CAP1: variants seen among roughly 807,000 people sequenced by gnomAD.
The protein encoded by CAP1 is cyclase associated actin cytoskeleton regulatory protein 1, also known as adenylyl cyclase-associated protein 1.
In CAP1, 11 loss-of-function variants were observed where a neutral mutation model predicts 58.2. The ratio of observed to expected loss-of-function variants is 0.19; its 90% CI spans 0.12 to 0.31. CAP1 has a LOEUF of 0.31. CAP1 is among the 10% of genes least tolerant of loss of function. The probability of loss-of-function intolerance (pLI) is 1.00; values close to 1 mark genes in which losing one functional copy is unlikely to be tolerated. For missense variants in CAP1, 423 were observed against 587.5 expected, an observed-to-expected ratio of 0.72 and a Z score of 2.89; for synonymous variants, 183 against 213.8, an observed-to-expected ratio of 0.86 and a Z score of 1.26.
At chr1:40,066,141 G>C (rs1246958056) in intron 6 of CAP1, 74 bp from the exon 7 acceptor site, 1 of 826,584 alleles carries the variant, frequency 1.2e-6, no homozygotes, top group Non-Finnish European at 2.1e-6. Context: ...GAGCCCATAG[G>C]AAAGAAGGGT....
intron 1 of CAP1, among the ~76,000 whole-genome samples, chr1:40,042,897 G>A (rs992383603): frequency 1.3e-5 from 2 of 152,122 alleles, no homozygotes; most frequent in African/African-American, 2.4e-5. Flanking sequence ...AGAATAGCGC[G>A]ATTGCCTGGC....
At chr1:40,044,904 C>T (rs1646016472) in intron 1 of CAP1, among the ~76,000 whole-genome samples, 1 of 148,292 alleles carries the variant, frequency 6.7e-6, no homozygotes, top group Non-Finnish European at 1.5e-5. Flanking sequence ...TCACGCCATT[C>T]ACCTGCTTCA....
At chr1:40,051,032 T>C (rs1277716238) in intron 1 of CAP1, among the ~76,000 whole-genome samples, 1 of 152,176 alleles carries the variant, frequency 6.6e-6, no homozygotes, top group Non-Finnish European at 1.5e-5. Flanking sequence ...TTTGACTTGC[T>C]CTGGAATGGC....
chr1:40,057,802 T>C (rs964061559), intron 1 of CAP1, among the ~76,000 whole-genome samples: 4 of 152,260 alleles, frequency 2.6e-5, no homozygotes, highest in African/African-American at 9.6e-5. Flanking sequence ...GTTGCCTGAA[T>C]TGACGCTTTT....
At chr1:40,063,016 G>T (rs3131669) in intron 4 of CAP1, among the ~76,000 whole-genome samples, 104,871 of 150,918 alleles carry the variant, frequency 0.69, 36,635 homozygotes, top group Non-Finnish European at 0.74. Flanking sequence ...TTTTTTTTTT[G>T]AGACAGGGTG....
chr1:40,042,096 C>T (rs759030406), intron 1 of CAP1, among the ~76,000 whole-genome samples: 3 of 152,142 alleles, frequency 2.0e-5, no homozygotes, highest in Non-Finnish European at 4.4e-5. Context: ...AGGCTGCTCT[C>T]GAACTCCTAA....
At chr1:40,047,723 C>T (rs1327187193) in intron 1 of CAP1, among the ~76,000 whole-genome samples, 2 of 152,172 alleles carry the variant, frequency 1.3e-5, no homozygotes, top group East Asian at 1.9e-4. Context: ...ATTCTTTGAA[C>T]GTAGGAGAGA....
chr1:40,056,776 A>G (rs3131674), intron 1 of CAP1, among the ~76,000 whole-genome samples: 105,546 of 151,944 alleles, frequency 0.69, 36,929 homozygotes, highest in Non-Finnish European at 0.74. Context: ...GTACGTGTGT[A>G]TAGAGAATAA....
intron 6 of CAP1, 84 bp downstream of exon 6, chr1:40,064,643 C>A: frequency 9.8e-7 from 1 of 1,022,928 alleles, no homozygotes. Context: ...GTGGCACAAT[C>A]ACAGCTCATT....
intron 8 of CAP1, 22 bp from the exon 9 acceptor site, chr1:40,069,668 A>C: frequency 6.2e-7 from 1 of 1,605,140 alleles, no homozygotes; most frequent in South Asian, 1.1e-5. Context: ...GGACAGGAAC[A>C]AGGTAGCTGT....
At position 40,061,825 on chromosome 1, in the gene CAP1, C is replaced by T. The variant is rs754415533; in HGVS notation, c.294+13C>T. 1 of 1,604,576 alleles carries T rather than the reference C, an allele frequency of 6.2e-7. No individual in the cohort carries two copies. Among genetic ancestry groups the T allele is most frequent in the Non-Finnish European group, 8.5e-7 (1 of 1,171,336 alleles). On this transcript the variant is annotated intron_variant, in intron 4 of 12. Coordinates refer to ENST00000372805, the MANE Select transcript of CAP1 (RefSeq NM_006367.4). The stretch of plus-strand genomic sequence containing the variant: ...ACAGCCAGCAGAAGTAAGTTCACTA[C>T]TAGCTGGTTTCATTTTGGTTTGATG...
intron 1 of CAP1, among the ~76,000 whole-genome samples, chr1:40,041,976 C>G (rs915707941): frequency 3.0e-4 from 46 of 152,326 alleles, no homozygotes; most frequent in African/African-American, 1.0e-3. Context: ...GTGGGGCTCT[C>G]TCTTCAAGAG....
At position 40,071,342 on chromosome 1, in the gene CAP1, C is replaced by T. The variant is rs116165836; in HGVS notation, c.1345-108C>T. The stretch of plus-strand genomic sequence containing the variant: ...GGGTTTGTCTCTTGCTACATTGTAC[C>T]GTGCTCCTGGGGTTAAGTGGAAGCA... On this transcript the variant is annotated intron_variant, in intron 12 of 12. Coordinates refer to ENST00000372805, the MANE Select transcript of CAP1 (RefSeq NM_006367.4). 2,720 of 747,916 alleles carry T rather than the reference C, an allele frequency of 3.6e-3. 51 individuals carry two copies. The African/African-American group carries it at 0.042, about 11-fold the overall frequency. 46.3% of individuals were successfully genotyped at this position (747,916 alleles called of 1,614,324 possible). A position where few individuals can be genotyped will look rare whatever the true frequency, so the allele number is the denominator to read the frequency against.
chr1:40,070,560 C>T, intron 11 of CAP1, 48 bp downstream of exon 11: 1 of 1,413,004 alleles, frequency 7.1e-7, no homozygotes. Context: ...GGAATTAATT[C>T]AAAGAGACAT....
rs368653699 is a variant in CAP1 at position 40,059,335 on chromosome 1, A to G, written c.-10-2A>G. The G allele has an allele frequency of 2.0e-4, 304 of 1,493,942 alleles. No homozygotes were observed. Among genetic ancestry groups the G allele is most frequent in the Non-Finnish European group, 2.7e-4 (292 of 1,070,562 alleles). 92.5% of individuals were successfully genotyped at this position (1,493,942 alleles called of 1,614,324 possible). A position where few individuals can be genotyped will look rare whatever the true frequency, so the allele number is the denominator to read the frequency against. ...CAAATGACATTTGATCTGTTTCAGCAGGTGGTCCATTATGGCTGACATGCA... is the reference window on the plus strand; with the variant it reads ...CAAATGACATTTGATCTGTTTCAGCGGGTGGTCCATTATGGCTGACATGCA... On this transcript the variant is annotated splice_acceptor_variant, in intron 1 of 12. Coordinates refer to ENST00000372805, the MANE Select transcript of CAP1 (RefSeq NM_006367.4). LOFTEE classifies it low-confidence loss of function (5UTR_SPLICE).
chr1:40,052,365 T>C (rs998762891), intron 1 of CAP1, among the ~76,000 whole-genome samples: 14 of 152,288 alleles, frequency 9.2e-5, no homozygotes, highest in African/African-American at 3.4e-4. Context: ...TTATTTGGAC[T>C]TGTGTAATTT....
At chr1:40,043,007 T>C (rs1570324070) in intron 1 of CAP1, among the ~76,000 whole-genome samples, 1 of 152,210 alleles carries the variant, frequency 6.6e-6, no homozygotes, top group South Asian at 2.1e-4. Flanking sequence ...TTGAATGTTT[T>C]TAGTTTGAGG....
intron 1 of CAP1, among the ~76,000 whole-genome samples, chr1:40,056,448 A>G (rs1019393196): frequency 1.3e-5 from 2 of 152,046 alleles, no homozygotes; most frequent in Non-Finnish European, 2.9e-5. Flanking sequence ...GGTGTGTACC[A>G]TCATGCCCGG....
At chr1:40,061,691 C>G (rs751817180) in intron 3 of CAP1, 44 bp from the exon 4 acceptor site, 2 of 1,501,136 alleles carry the variant, frequency 1.3e-6, no homozygotes, top group East Asian at 2.3e-5. Context: ...CAAGACTTCT[C>G]TAGTTATAAT....
Sources: gnomAD v4.1 joint callset for allele counts (sites outside exome capture counted in the v4.1 genomes callset) on GRCh38, gnomAD v4.1.1 for gene constraint, MANE v1.5 for transcripts, NCBI Gene and HGNC (gene_info 2026-07-23, HGNC 2026-07-21) for gene names.